The following KHDRBS2 variants were observed in gnomAD, a reference collection of about 807,000 sequenced individuals.
KHDRBS2 encodes KH RNA binding domain containing, signal transduction associated 2.
A neutral mutation model predicts 44.3 loss-of-function variants in KHDRBS2; 26 were observed. That is an observed-to-expected ratio of 0.59 (90% CI 0.43 to 0.81). KHDRBS2 has a LOEUF of 0.81. KHDRBS2 is among the 40% of genes least tolerant of loss of function. The pLI is 0.00. For missense variants in KHDRBS2, 476 were observed against 433.1 expected (o/e 1.10, Z -0.88); for synonymous variants, 194 against 151.1 (o/e 1.28, Z -2.08).
At chr6:61,653,163 C>T in the KHDRBS2 span, among the ~76,000 whole-genome samples, 1 of 151,924 alleles carries the variant, frequency 6.6e-6, no homozygotes, top group South Asian at 2.1e-4. Context: ...TTTAGGAAGA[C>T]AAACACAGAG....
intron 3 of KHDRBS2, among the ~76,000 whole-genome samples, chr6:62,023,696 A>G (rs997544343): frequency 6.6e-6 from 1 of 151,682 alleles, no homozygotes; most frequent in African/African-American, 2.4e-5. Context: ...CATGGTTTTC[A>G]TAACACTTTG....
chr6:61,974,422 C>A (rs1435374915), intron 4 of KHDRBS2, among the ~76,000 whole-genome samples: 4 of 152,122 alleles, frequency 2.6e-5, no homozygotes, highest in Non-Finnish European at 5.9e-5. Context: ...AGTGCATCAA[C>A]ATTATTGAAG....
intron 3 of KHDRBS2, among the ~76,000 whole-genome samples, chr6:62,002,836 G>A (rs1778506286): frequency 6.6e-6 from 1 of 151,272 alleles, no homozygotes; most frequent in Admixed American, 6.6e-5. Context: ...TTTCATTATT[G>A]TTATATCCTA....
At chr6:62,212,905 G>A (rs1021441049) in intron 1 of KHDRBS2, among the ~76,000 whole-genome samples, 2 of 152,014 alleles carry the variant, frequency 1.3e-5, no homozygotes, top group Non-Finnish European at 2.9e-5. Flanking sequence ...AGGGAAGGGG[G>A]TGCATAACAT....
chr6:61,576,011 C>T, the KHDRBS2 span, among the ~76,000 whole-genome samples: 2 of 152,068 alleles, frequency 1.3e-5, no homozygotes, highest in Non-Finnish European at 2.9e-5. Flanking sequence ...GTGTACACTG[C>T]TCAGGTGATG....
At chr6:62,247,551 G>A (rs1443745034) in intron 1 of KHDRBS2, among the ~76,000 whole-genome samples, 1 of 151,904 alleles carries the variant, frequency 6.6e-6, no homozygotes, top group African/African-American at 2.4e-5. Context: ...TTATATCAAA[G>A]TTATTTAAAA....
chr6:62,248,512 C>T (rs1050269098), intron 1 of KHDRBS2, among the ~76,000 whole-genome samples: 3 of 151,964 alleles, frequency 2.0e-5, no homozygotes, highest in Non-Finnish European at 2.9e-5. Context: ...GTACGCACCA[C>T]CACGTCCAGC....
At chr6:61,658,565 C>T in the KHDRBS2 span, among the ~76,000 whole-genome samples, 3 of 151,864 alleles carry the variant, frequency 2.0e-5, no homozygotes, top group South Asian at 6.2e-4. Context: ...CCATAGTACA[C>T]CTCAAAATCA....
At chr6:61,985,543 G>A (rs1004182160) in intron 3 of KHDRBS2, among the ~76,000 whole-genome samples, 12 of 152,206 alleles carry the variant, frequency 7.9e-5, no homozygotes, top group African/African-American at 2.9e-4. Context: ...TTCAAATGTT[G>A]TTATAGGGAG....
At chr6:62,262,860 A>G (rs1838592012) in intron 1 of KHDRBS2, among the ~76,000 whole-genome samples, 1 of 151,794 alleles carries the variant, frequency 6.6e-6, no homozygotes, top group South Asian at 2.1e-4. Context: ...AATGACAAAT[A>G]CATAGAAAAT....
intron 4 of KHDRBS2, among the ~76,000 whole-genome samples, chr6:61,968,138 A>G (rs1245678265): frequency 2.6e-5 from 4 of 151,842 alleles, no homozygotes; most frequent in African/African-American, 9.7e-5. Context: ...AGAATAACCA[A>G]TGATATATAC....
At chr6:61,652,915 A>G in the KHDRBS2 span, among the ~76,000 whole-genome samples, 1 of 152,152 alleles carries the variant, frequency 6.6e-6, no homozygotes, top group Non-Finnish European at 1.5e-5. Context: ...TATAAAAGAA[A>G]AAGTACCTTT....
At chr6:61,752,173 G>A (rs998309926) in intron 6 of KHDRBS2, among the ~76,000 whole-genome samples, 4 of 152,182 alleles carry the variant, frequency 2.6e-5, no homozygotes, top group African/African-American at 9.7e-5. Flanking sequence ...ACAGGAAGGG[G>A]TGGAAAGGCA....
At chr6:62,158,913 C>A (rs1459483910) in intron 2 of KHDRBS2, among the ~76,000 whole-genome samples, 2 of 151,980 alleles carry the variant, frequency 1.3e-5, no homozygotes, top group Non-Finnish European at 2.9e-5. Flanking sequence ...GTTTCTCAAT[C>A]CAGCCTACTG....
the KHDRBS2 span, among the ~76,000 whole-genome samples, chr6:61,543,284 T>G: frequency 3.3e-5 from 5 of 152,082 alleles, no homozygotes; most frequent in East Asian, 9.7e-4. Flanking sequence ...ATAATCTGAT[T>G]TTTTAAATGA....
At chr6:61,641,591 T>C in the KHDRBS2 span, among the ~76,000 whole-genome samples, 2 of 152,318 alleles carry the variant, frequency 1.3e-5, no homozygotes, top group African/African-American at 2.4e-5. Flanking sequence ...TAAGAATCTA[T>C]AGCTTTTCAT....
intron 2 of KHDRBS2, among the ~76,000 whole-genome samples, chr6:62,061,110 G>C (rs1041616979): frequency 1.6e-4 from 24 of 151,806 alleles, no homozygotes; most frequent in Non-Finnish European, 3.2e-4. Flanking sequence ...ACACTGATGG[G>C]TCTTGACTCT....
chr6:62,120,120 G>A (rs1807256830), intron 2 of KHDRBS2, among the ~76,000 whole-genome samples: 1 of 152,170 alleles, frequency 6.6e-6, no homozygotes, highest in Admixed American at 6.6e-5. Context: ...TGCATTTAAT[G>A]TTGCAACTCA....
chr6:61,806,653 A>G (rs1221520498), intron 6 of KHDRBS2, among the ~76,000 whole-genome samples: 1 of 151,910 alleles, frequency 6.6e-6, no homozygotes, highest in Non-Finnish European at 1.5e-5. Context: ...AAATTTCCCA[A>G]ATAGAAATAT....
Sources: allele counts gnomAD v4.1 joint callset (sites outside exome capture counted in the v4.1 genomes callset), GRCh38; gene constraint gnomAD v4.1.1; transcripts MANE v1.5; gene names NCBI Gene and HGNC (gene_info 2026-07-23, HGNC 2026-07-21).